Variants in AXDND1 observed in about 807,000 individuals in gnomAD.
AXDND1 encodes the protein axonemal dynein light chain domain-containing protein 1.
Under a neutral mutation model 137.5 loss-of-function variants are expected in AXDND1, and 110 were observed. The observed-to-expected ratio is 0.80, with a 90% CI of 0.69 to 0.94. AXDND1 has a LOEUF of 0.94. Ranked by LOEUF, AXDND1 falls within the 40% of genes least tolerant of loss-of-function variation. AXDND1 has a pLI of 0.00. For missense variants in AXDND1, 1,191 were observed against 1,169.8 expected (o/e 1.02, Z -0.26); for synonymous variants, 414 against 399.7 (o/e 1.04, Z -0.43).
At chr1:179,511,981 A>T (rs1365585551) in intron 21 of AXDND1, among the ~76,000 whole-genome samples, 1 of 151,942 alleles carries the variant, frequency 6.6e-6, no homozygotes, top group Non-Finnish European at 1.5e-5. Flanking sequence ...GTCAGATGTA[A>T]AGATTGTGAA....
At chr1:179,407,313 C>T (rs192415695) in intron 11 of AXDND1, among the ~76,000 whole-genome samples, 6 of 151,756 alleles carry the variant, frequency 4.0e-5, no homozygotes, top group African/African-American at 9.7e-5. Flanking sequence ...CTACAACCTC[C>T]GTTTCCCTGG....
chr1:179,528,641 CTTTTTTTTT>C (rs34531104), intron 23 of AXDND1, among the ~76,000 whole-genome samples: 2 of 115,356 alleles, frequency 1.7e-5, no homozygotes, highest in East Asian at 2.5e-4. Context: ...CTTTAAACCT[CTTTTTTTTT>C]TTTTTTTTTT....
intron 9 of AXDND1, among the ~76,000 whole-genome samples, chr1:179,387,057 T>C (rs1558104516): frequency 6.6e-6 from 1 of 152,214 alleles, no homozygotes; most frequent in Non-Finnish European, 1.5e-5. Flanking sequence ...TGTAGTTAGA[T>C]AACTTTTAGT....
At chr1:179,439,838 C>T (rs553257966) in intron 15 of AXDND1, among the ~76,000 whole-genome samples, 1 of 151,430 alleles carries the variant, frequency 6.6e-6, no homozygotes, top group South Asian at 2.1e-4. Context: ...TTCCTCCAGT[C>T]TCCCATTCCA....
intron 21 of AXDND1, among the ~76,000 whole-genome samples, chr1:179,521,832 T>C (rs979705052): frequency 2.0e-5 from 3 of 151,798 alleles, no homozygotes; most frequent in Non-Finnish European, 1.5e-5. Flanking sequence ...CACATCGTTA[T>C]TATTTTTACT....
chr1:179,440,378 A>G (rs1571845622), intron 15 of AXDND1, among the ~76,000 whole-genome samples: 3 of 152,278 alleles, frequency 2.0e-5, no homozygotes, highest in Admixed American at 1.3e-4. Flanking sequence ...AGCATGCAGC[A>G]TATGAGAATA....
At chr1:179,378,506 G>A in intron 4 of AXDND1, 131 bp from the exon 5 acceptor site, 1 of 546,150 alleles carries the variant, frequency 1.8e-6, no homozygotes, top group Non-Finnish European at 2.9e-6. Flanking sequence ...AAAGTGTTAT[G>A]TAAGGAGATC....
intron 11 of AXDND1, among the ~76,000 whole-genome samples, chr1:179,408,968 C>CTTT (rs74384865): frequency 0.02 from 2,531 of 125,976 alleles, 21 homozygotes; most frequent in Non-Finnish European, 0.027. Flanking sequence ...TTTTTTCTTT[C>CTTT]TTTTTTTTTT....
intron 9 of AXDND1, among the ~76,000 whole-genome samples, chr1:179,389,829 T>C (rs1649857211): frequency 6.6e-6 from 1 of 152,126 alleles, no homozygotes; most frequent in South Asian, 2.1e-4. Context: ...ATCCTAAAGA[T>C]GATGTTTTTT....
intron 21 of AXDND1, among the ~76,000 whole-genome samples, chr1:179,517,524 G>A (rs1293683923): frequency 6.6e-6 from 1 of 152,194 alleles, no homozygotes; most frequent in Non-Finnish European, 1.5e-5. Context: ...CTTCTCCTTG[G>A]GGCGTTTTCC....
intron 21 of AXDND1, among the ~76,000 whole-genome samples, chr1:179,515,585 G>A (rs971855630): frequency 6.6e-6 from 1 of 152,160 alleles, no homozygotes; most frequent in Non-Finnish European, 1.5e-5. Context: ...TTTCCCAGGT[G>A]TTCTTTGTGC....
intron 20 of AXDND1, among the ~76,000 whole-genome samples, chr1:179,494,853 C>G (rs759800035): frequency 6.6e-6 from 1 of 152,146 alleles, no homozygotes; most frequent in Non-Finnish European, 1.5e-5. Context: ...ATATTCAAGT[C>G]TATGACCCAT....
intron 10 of AXDND1, among the ~76,000 whole-genome samples, chr1:179,394,816 T>G (rs1650795084): frequency 6.6e-6 from 1 of 152,150 alleles, no homozygotes; most frequent in Non-Finnish European, 1.5e-5. Context: ...TAGACCAGCA[T>G]GGCGGCCTTG....
intron 2 of AXDND1, among the ~76,000 whole-genome samples, chr1:179,367,894 T>C (rs1558076166): frequency 6.6e-6 from 1 of 152,194 alleles, no homozygotes; most frequent in Non-Finnish European, 1.5e-5. Flanking sequence ...AGTCAGCTAG[T>C]GTTATCCTTA....
chr1:179,446,824 CTT>C (rs35485197), intron 16 of AXDND1, among the ~76,000 whole-genome samples: 2,747 of 143,950 alleles, frequency 0.019, 68 homozygotes, highest in African/African-American at 0.064. Context: ...TGATAGTGTC[CTT>C]TTTTTTTTTT....
At chr1:179,488,441 G>A (rs1186546041) in intron 18 of AXDND1, among the ~76,000 whole-genome samples, 1 of 147,640 alleles carries the variant, frequency 6.8e-6, no homozygotes, top group African/African-American at 2.6e-5. Flanking sequence ...TGTTTGGTTG[G>A]TTTTTATAGA....
chr1:179,439,883 T>C lies in AXDND1; in HGVS notation c.1564-5087T>C, dbSNP rs4366280. 8.6e-5 allele frequency among the ~76,000 whole-genome samples: 13 copies of C among 151,976 alleles called. No individual in the cohort carries two copies. The East Asian group carries it at 2.5e-3, about 29-fold the overall frequency. On this transcript the variant is annotated intron_variant, in intron 15 of 25. Coordinates refer to ENST00000367618, the MANE Select transcript of AXDND1 (RefSeq NM_144696.6). Reference sequence around the variant, plus strand: ...GCACCTTGAGGGCACCCACATGGTTTCTCCATCTCCTGTAAAAACACAAGC... The same window carrying C: ...GCACCTTGAGGGCACCCACATGGTTCCTCCATCTCCTGTAAAAACACAAGC...
chr1:179,451,299 G>C (rs1196905085), intron 16 of AXDND1: 2 of 149,164 alleles, frequency 1.3e-5, no homozygotes, highest in Non-Finnish European at 3.0e-5. Context: ...TTTTTTTCTT[G>C]GTTTGTTTTG....
At chr1:179,487,857 A>G (rs1192823599) in intron 18 of AXDND1, among the ~76,000 whole-genome samples, 2 of 147,352 alleles carry the variant, frequency 1.4e-5, no homozygotes, top group Non-Finnish European at 1.5e-5. Flanking sequence ...TTAGCCGGGC[A>G]TGGTGGCACA....
Sources: allele counts gnomAD v4.1 joint callset (sites outside exome capture counted in the v4.1 genomes callset), GRCh38; gene constraint gnomAD v4.1.1; transcripts MANE v1.5; gene names NCBI Gene and HGNC (gene_info 2026-07-23, HGNC 2026-07-21).